Variants in PLCB1 observed in about 807,000 individuals in gnomAD.
The protein encoded by PLCB1 is phospholipase C beta 1.
Under a neutral mutation model 161.8 loss-of-function variants are expected in PLCB1, and 46 were observed. The ratio of observed to expected loss-of-function variants is 0.28; its 90% CI spans 0.22 to 0.36. The LOEUF (loss-of-function observed/expected upper bound fraction) is 0.36, where lower values mean the gene tolerates loss of function less well. Among genes scored for constraint, PLCB1 ranks in the 10% least tolerant of loss-of-function variants. The pLI is 1.00. For missense variants in PLCB1, 1,016 were observed against 1,472.5 expected, an observed-to-expected ratio of 0.69 and a Z score of 5.07; for synonymous variants, 517 against 503.7, an observed-to-expected ratio of 1.03 and a Z score of -0.35.
At chr20:8,257,485 T>C (rs1156403867) in intron 2 of PLCB1, among the ~76,000 whole-genome samples, 2 of 152,110 alleles carry the variant, frequency 1.3e-5, no homozygotes, top group Non-Finnish European at 2.9e-5. Context: ...TATTACAAAA[T>C]AGTTAGGATG....
At chr20:8,659,129 T>C (rs1989552874) in intron 9 of PLCB1, among the ~76,000 whole-genome samples, 1 of 152,056 alleles carries the variant, frequency 6.6e-6, no homozygotes, top group African/African-American at 2.4e-5. Context: ...TTCCAGTATA[T>C]ACTATCTGAT....
At chr20:8,466,825 T>G (rs1981845559) in intron 3 of PLCB1, among the ~76,000 whole-genome samples, 1 of 152,210 alleles carries the variant, frequency 6.6e-6, no homozygotes, top group Admixed American at 6.5e-5. Flanking sequence ...ATGTTTTTAC[T>G]ACACTGTTGT....
intron 9 of PLCB1, among the ~76,000 whole-genome samples, chr20:8,669,626 G>A (rs926422671): frequency 7.9e-5 from 12 of 152,150 alleles, no homozygotes; most frequent in Non-Finnish European, 1.3e-4. Context: ...TCACCTATCT[G>A]GGCTCTCAAT....
At chr20:8,347,888 C>T (rs1390596381) in intron 2 of PLCB1, among the ~76,000 whole-genome samples, 1 of 152,004 alleles carries the variant, frequency 6.6e-6, no homozygotes, top group Non-Finnish European at 1.5e-5. Context: ...AGGAGAATGG[C>T]ATGAACCCGG....
Position 8,716,337 on chromosome 20 carries a change from G to A in PLCB1, c.1324G>A (p.Glu442Lys), listed in dbSNP as rs1356153164. 1.2e-6 allele frequency: 2 copies of A among 1,612,832 alleles called. No homozygotes were observed. The highest frequency in any genetic ancestry group is 1.7e-6 in the Non-Finnish European group (2 of 1,178,858). ...FGDALLMEPL[E>K]KYPLESGVPL... ...GGATGCCCTTCTCATGGAGCCCCTG[G>A]AAAAATATCCAGTAAGCAGTTCTGA... The change falls in exon 13 of 32, where the codon GAA becomes AAA. Residue 442 changes from glutamate to lysine, a missense_variant. Glu to Lys is a moderately conservative substitution (Grantham distance 56). This residue lies in a region of PLCB1 where 56 missense variants were observed against 126.3 expected (regional missense o/e 0.44). Coordinates refer to ENST00000338037, the MANE Select transcript of PLCB1 (RefSeq NM_015192.4).
At chr20:8,196,665 A>T (rs866641475) in intron 2 of PLCB1, among the ~76,000 whole-genome samples, 2 of 142,398 alleles carry the variant, frequency 1.4e-5, no homozygotes, top group South Asian at 2.1e-4. Flanking sequence ...TATATATATA[A>T]AATATATATA....
intron 3 of PLCB1, among the ~76,000 whole-genome samples, chr20:8,617,504 G>C (rs1988067405): frequency 6.6e-6 from 1 of 151,990 alleles, no homozygotes; most frequent in Non-Finnish European, 1.5e-5. Context: ...GCTATGTTGG[G>C]AGTATTTACA....
At chr20:8,676,222 G>T (rs918181514) in intron 9 of PLCB1, among the ~76,000 whole-genome samples, 2 of 152,164 alleles carry the variant, frequency 1.3e-5, no homozygotes, top group African/African-American at 2.4e-5. Flanking sequence ...TTAGCCGGGC[G>T]TGGTGGCATG....
chr20:8,829,795 A>G (rs1335875438), intron 31 of PLCB1, among the ~76,000 whole-genome samples: 2 of 152,250 alleles, frequency 1.3e-5, no homozygotes, highest in South Asian at 2.1e-4. Context: ...AAAAGTACTC[A>G]GTGTAAAAAT....
chr20:8,507,971 A>T (rs896897108), intron 3 of PLCB1, among the ~76,000 whole-genome samples: 1 of 152,108 alleles, frequency 6.6e-6, no homozygotes, highest in East Asian at 1.9e-4. Flanking sequence ...AGGCTTTTGC[A>T]GCATCTAACA....
At chr20:8,310,504 C>T (rs1215098663) in intron 2 of PLCB1, among the ~76,000 whole-genome samples, 1 of 152,126 alleles carries the variant, frequency 6.6e-6, no homozygotes, top group African/African-American at 2.4e-5. Context: ...CAGCAGTTGC[C>T]TCTGGGTGCT....
intron 1 of PLCB1, among the ~76,000 whole-genome samples, chr20:8,147,620 C>A (rs1240613756): frequency 6.6e-6 from 1 of 152,136 alleles, no homozygotes; most frequent in African/African-American, 2.4e-5. Flanking sequence ...TGGGTCAGAT[C>A]CTACTTTGCA....
chr20:8,687,288 G>T (rs1335541044), intron 10 of PLCB1, among the ~76,000 whole-genome samples: 1 of 152,108 alleles, frequency 6.6e-6, no homozygotes, highest in East Asian at 1.9e-4. Flanking sequence ...GCCTCCCAAA[G>T]TCCTGGGATT....
chr20:8,618,268 G>A (rs1988085731), intron 3 of PLCB1, among the ~76,000 whole-genome samples: 2 of 152,156 alleles, frequency 1.3e-5, no homozygotes, highest in Non-Finnish European at 2.9e-5. Context: ...ACAACTAAAA[G>A]AAGTGACTAA....
At chr20:8,235,617 G>A (rs1049298603) in intron 2 of PLCB1, among the ~76,000 whole-genome samples, 22 of 152,082 alleles carry the variant, frequency 1.4e-4, no homozygotes, top group African/African-American at 4.8e-4. Flanking sequence ...ATTCGTGCAC[G>A]TCCCTATTAT....
At chr20:8,651,665 G>C in intron 7 of PLCB1, 1 of 555,992 alleles carries the variant, frequency 1.8e-6, no homozygotes, top group Non-Finnish European at 3.2e-6. Flanking sequence ...TGAAACTCAA[G>C]GTTTCAAGGA....
At chr20:8,654,697 A>G (rs895443886) in intron 7 of PLCB1, among the ~76,000 whole-genome samples, 1 of 152,070 alleles carries the variant, frequency 6.6e-6, no homozygotes, top group Non-Finnish European at 1.5e-5. Context: ...AACATTGGGC[A>G]GGATCTTTAG....
At chr20:8,880,860 C>CTTTTTTTTTTTTTTTTTTTTTG in intron 31 of PLCB1, 1 of 99,484 alleles carries the variant, frequency 1.0e-5, no homozygotes, top group Non-Finnish European at 1.8e-5. Flanking sequence ...TTCTTTCTTT[C>CTTTTTTTTTTTTTTTTTTTTTG]TTTTTTTTTT....
intron 2 of PLCB1, among the ~76,000 whole-genome samples, chr20:8,270,472 C>A (rs1359015090): frequency 6.6e-6 from 1 of 152,134 alleles, no homozygotes; most frequent in African/African-American, 2.4e-5. Flanking sequence ...GAATGCAAAT[C>A]TCCAAGACTG....
Sources: gnomAD v4.1 joint callset for allele counts (sites outside exome capture counted in the v4.1 genomes callset) on GRCh38, gnomAD v4.1.1 for gene constraint, gnomAD v4.1.1 regional missense constraint, MANE v1.5 for transcripts, NCBI Gene and HGNC (gene_info 2026-07-23, HGNC 2026-07-21) for gene names.